CCN4: variants seen among roughly 807,000 people sequenced by gnomAD.
CCN4 encodes the protein cellular communication network factor 4.
A neutral mutation model predicts 36.7 loss-of-function variants in CCN4; 30 were observed. The ratio of observed to expected loss-of-function variants is 0.82; its 90% CI spans 0.61 to 1.11. CCN4 has a LOEUF of 1.11. Among genes scored for constraint, CCN4 ranks in the 50% least tolerant of loss-of-function variants. The pLI is 0.00. For missense variants in CCN4, 505 were observed against 504.9 expected (o/e 1.00, Z 0.00); for synonymous variants, 191 against 195.4 (o/e 0.98, Z 0.19).
intron 2 of CCN4, among the ~76,000 whole-genome samples, chr8:133,220,148 T>C (rs1854464325): frequency 6.6e-6 from 1 of 152,172 alleles, no homozygotes; most frequent in South Asian, 2.1e-4. Flanking sequence ...GAAGGCTCCA[T>C]GAATGTGTAT....
Position 133,227,809 on chromosome 8 carries a change from G to A in CCN4, c.*99G>A. On this transcript the variant is annotated 3_prime_UTR_variant, in exon 5 of 5. Transcript: ENST00000250160. ...TTCACCAATGAGCCTTAGTTACCCT[G>A]ATCTGGACCCTTGGCCTCCATTTCT... 7.5e-7 allele frequency: 1 copy of A among 1,332,024 alleles called. No homozygotes were observed. 82.5% of individuals were successfully genotyped at this position (1,332,024 alleles called of 1,614,324 possible).
At chr8:133,215,545 T>A (rs79011176) in intron 2 of CCN4, among the ~76,000 whole-genome samples, 6,822 of 152,178 alleles carry the variant, frequency 0.045, 480 homozygotes, top group African/African-American at 0.15. Context: ...CTGTCATGGA[T>A]CCAAAGATTG....
At chr8:133,194,639 GT>G (rs1853276305) in intron 1 of CCN4, among the ~76,000 whole-genome samples, 10 of 124,810 alleles carry the variant, frequency 8.0e-5, no homozygotes, top group East Asian at 5.3e-4. Context: ...GGTGTGTGGG[GT>G]GTGTGCGTGT....
In CCN4 at chr8:133,213,075, A is replaced by T; in HGVS notation, c.281A>T (p.Asp94Val). Reference protein sequence around the residue: ...GDNCTEAAICDPHRGLYCDYS... With the variant: ...GDNCTEAAICVPHRGLYCDYS... ...AACTGCACGGAGGCTGCCATCTGTG[A>T]CCCCCACCGGGGCCTCTACTGTGAC... is the stretch of plus-strand genomic sequence containing the variant. Residue 94 changes from aspartate (D) to valine (V), a missense_variant, in exon 2 of 5, where the codon GAC (aspartate) becomes GTC (valine). Transcript: ENST00000250160. 6.2e-7 allele frequency: 1 copy of T among 1,613,366 alleles called. No individual in the cohort carries two copies. Among genetic ancestry groups the T allele is most frequent in the Non-Finnish European group, 8.5e-7 (1 of 1,179,796 alleles).
chr8:133,211,051 T>C (rs1854007846), intron 1 of CCN4, among the ~76,000 whole-genome samples: 1 of 152,246 alleles, frequency 6.6e-6, no homozygotes, highest in African/African-American at 2.4e-5. Context: ...CAATATTTAC[T>C]ACATTTATTG....
intron 1 of CCN4, among the ~76,000 whole-genome samples, chr8:133,212,414 C>T (rs1854083484): frequency 6.6e-6 from 1 of 152,134 alleles, no homozygotes. Flanking sequence ...CTTAAGAACT[C>T]TCGGTGAGTG....
intron 1 of CCN4, among the ~76,000 whole-genome samples, chr8:133,200,493 C>T (rs1472473019): frequency 1.3e-5 from 2 of 152,234 alleles, no homozygotes; most frequent in Non-Finnish European, 2.9e-5. Flanking sequence ...TCCGTGGTCT[C>T]CCCATAGCCA....
chr8:133,206,862 C>T (rs978511898), intron 1 of CCN4, among the ~76,000 whole-genome samples: 3 of 152,214 alleles, frequency 2.0e-5, no homozygotes, highest in South Asian at 2.1e-4. Context: ...GGTTCTTGGA[C>T]AGGCTTTTTC....
Position 133,229,490 on chromosome 8 carries a change from C to T in CCN4, c.*1780C>T, listed in dbSNP as rs1295987622. Reference sequence around the variant, plus strand: ...CCTCTTTCCCATCGGAACCAGCTCTCATCACACATTTAAAAGATGATTCTG... The same window carrying T: ...CCTCTTTCCCATCGGAACCAGCTCTTATCACACATTTAAAAGATGATTCTG... On this transcript the variant is annotated 3_prime_UTR_variant, in exon 5 of 5. Transcript: ENST00000250160. The T allele has an allele frequency of 6.6e-6, 1 of 152,210 alleles. No homozygotes were observed. The highest frequency in any genetic ancestry group is 2.1e-4 in the South Asian group (1 of 4,830). The allele number at this position is 152,210 out of a possible 1,614,324, so 9.4% of individuals were successfully genotyped here.
intron 1 of CCN4, among the ~76,000 whole-genome samples, chr8:133,194,708 GGTGTGTGTGGGGATGTGTGTAGT>G (rs1237184045): frequency 6.1e-5 from 7 of 115,198 alleles, no homozygotes; most frequent in Non-Finnish European, 9.8e-5. Flanking sequence ...GGGTGTGTGT[GGTGTGTGTGGGGATGTGTGTAGT>G]GTGTGTGTGG....
chr8:133,227,843 C>T lies in CCN4; in HGVS notation c.*133C>T, dbSNP rs1854803824. ...CCTTGGCCTCCATTTCTGTCTCTAA[C>T]CATTCAAATGACGCCTGATGGTGCT... On this transcript the variant is annotated 3_prime_UTR_variant, in exon 5 of 5. Transcript: ENST00000250160. The T allele has an allele frequency of 3.0e-6, 3 of 1,012,958 alleles. No individual in the cohort carries two copies. The highest frequency in any genetic ancestry group is 3.4e-5 in the South Asian group (2 of 59,140). 62.7% of individuals were successfully genotyped at this position (1,012,958 alleles called of 1,614,324 possible). A position where few individuals can be genotyped will look rare whatever the true frequency, so the allele number is the denominator to read the frequency against.
At chr8:133,204,952 C>T (rs1853715088) in intron 1 of CCN4, among the ~76,000 whole-genome samples, 1 of 152,250 alleles carries the variant, frequency 6.6e-6, no homozygotes, top group East Asian at 1.9e-4. Flanking sequence ...CAGGCTCCTC[C>T]CAGGCCCCTT....
At chr8:133,196,355 C>T (rs145289835) in intron 1 of CCN4, among the ~76,000 whole-genome samples, 117 of 152,266 alleles carry the variant, frequency 7.7e-4, no homozygotes, top group African/African-American at 1.9e-3. Context: ...AATGTGAGAG[C>T]GCAATATTCC....
Position 133,216,491 on chromosome 8 carries a change from C to G in CCN4, c.349+3348C>G, listed in dbSNP as rs147596590. Among the ~76,000 whole-genome samples the G allele has an allele frequency of 2.0e-4, 30 of 152,306 alleles. No individual in the cohort carries two copies. In the Middle Eastern group the frequency reaches 0.017, roughly 86 times the overall value. On this transcript the variant is annotated intron_variant, in intron 2 of 4. Transcript: ENST00000250160. ...GGTCTTGTTCAGCATGCTTAGTTTT[C>G]AAGAGAATCCAGGTACATAGATTTG...
At chr8:133,209,212 G>C (rs1853895455) in intron 1 of CCN4, among the ~76,000 whole-genome samples, 1 of 152,196 alleles carries the variant, frequency 6.6e-6, no homozygotes, top group African/African-American at 2.4e-5. Flanking sequence ...GGTGAGGATT[G>C]ATCGATTATC....
chr8:133,224,380 C>G (rs757983146), intron 3 of CCN4, among the ~76,000 whole-genome samples: 1 of 151,748 alleles, frequency 6.6e-6, no homozygotes, highest in Non-Finnish European at 1.5e-5. Flanking sequence ...GCTGGGATTA[C>G]AGCACATGCC....
At chr8:133,220,875 C>A (rs1480163765) in intron 3 of CCN4, 34 bp downstream of exon 3, 6 of 1,573,898 alleles carry the variant, frequency 3.8e-6, no homozygotes, top group Admixed American at 1.7e-5. Flanking sequence ...GGGGGTGGGA[C>A]CCTACAAATG....
intron 2 of CCN4, among the ~76,000 whole-genome samples, chr8:133,214,471 T>A (rs534427263): frequency 6.6e-6 from 1 of 152,218 alleles, no homozygotes; most frequent in East Asian, 1.9e-4. Context: ...TTTTTCTTTA[T>A]TCTTGGTGTA....
At chr8:133,197,757 G>T (rs1043633405) in intron 1 of CCN4, among the ~76,000 whole-genome samples, 1 of 151,984 alleles carries the variant, frequency 6.6e-6, no homozygotes, top group Admixed American at 6.6e-5. Context: ...TTAGGGGTAG[G>T]GGGTAGGGTG....
Sources: gnomAD v4.1 joint callset for allele counts (sites outside exome capture counted in the v4.1 genomes callset) on GRCh38, gnomAD v4.1.1 for gene constraint, MANE v1.5 for transcripts, NCBI Gene and HGNC (gene_info 2026-07-23, HGNC 2026-07-21) for gene names.